The following TMEM132B variants were observed in gnomAD, a reference collection of about 807,000 sequenced individuals.
TMEM132B encodes transmembrane protein 132B.
In TMEM132B, 18 loss-of-function variants were observed where a neutral mutation model predicts 90.8. The ratio of observed to expected loss-of-function variants is 0.20; its 90% CI spans 0.14 to 0.29. The LOEUF (loss-of-function observed/expected upper bound fraction) is 0.29. Ranked by LOEUF, TMEM132B falls within the 10% of genes least tolerant of loss-of-function variation. The pLI is 1.00. For missense variants in TMEM132B, 1,096 were observed against 1,326.8 expected (o/e 0.83, Z 2.70); for synonymous variants, 504 against 523.3 (o/e 0.96, Z 0.50).
At chr12:125,563,152 A>C (rs1884576634) in intron 4 of TMEM132B, among the ~76,000 whole-genome samples, 1 of 115,414 alleles carries the variant, frequency 8.7e-6, no homozygotes, top group African/African-American at 2.9e-5. Context: ...AATGCGTAAT[A>C]ATAATAATAA....
At chr12:125,329,020 C>T (rs777216963) in intron 1 of TMEM132B, among the ~76,000 whole-genome samples, 6 of 152,122 alleles carry the variant, frequency 3.9e-5, no homozygotes, top group Admixed American at 1.3e-4. Context: ...TTCTCCCCCA[C>T]CCCCAAATGT....
In TMEM132B at chr12:125,392,974, G is replaced by A. The variant is rs114829996; in HGVS notation, c.960-22557G>A. Among the ~76,000 whole-genome samples the A allele has an allele frequency of 7.0e-3, 1,066 of 152,238 alleles. 16 individuals are homozygous for A. Among genetic ancestry groups the A allele is most frequent in the African/African-American group, 0.024 (989 of 41,530 alleles). ...GATCCGATGCCAGCTTCCCTCCTGC[G>A]TAGCCTGCCTCTGTGCCCACATTTG... is the stretch of plus-strand genomic sequence containing the variant. On this transcript the variant is annotated intron_variant, in intron 2 of 8. Coordinates refer to ENST00000682704, the MANE Select transcript of TMEM132B (RefSeq NM_001366854.1).
At chr12:125,595,136 G>A (rs1033191317) in intron 5 of TMEM132B, among the ~76,000 whole-genome samples, 2 of 152,196 alleles carry the variant, frequency 1.3e-5, no homozygotes, top group African/African-American at 2.4e-5. Context: ...CATGGCAGAT[G>A]TATTATAATG....
At chr12:125,248,038 A>C (rs1283354528) in intron 1 of TMEM132B, among the ~76,000 whole-genome samples, 2 of 152,238 alleles carry the variant, frequency 1.3e-5, no homozygotes, top group Admixed American at 1.3e-4. Context: ...GCAGCATGGC[A>C]GAAGACTTTA....
In TMEM132B at chr12:125,348,088, C is replaced by CATTTG. The variant is rs3068981; in HGVS notation, c.68-1359_68-1355dup. Among the ~76,000 whole-genome samples the CATTTG allele has an allele frequency of 9.8e-3, 1,484 of 151,714 alleles. 26 individuals carry two copies. The highest frequency in any genetic ancestry group is 0.034 in the African/African-American group (1,394 of 41,188). ...TTACCAAATAGGATCAAATATGACA[C>CATTTG]ATTTGATTTTTGTTTTTTTTACACT... On this transcript the variant is annotated intron_variant, in intron 1 of 8. Coordinates refer to ENST00000682704, the MANE Select transcript of TMEM132B (RefSeq NM_001366854.1).
intron 1 of TMEM132B, among the ~76,000 whole-genome samples, chr12:125,247,682 C>T (rs1874235373): frequency 6.6e-6 from 1 of 152,094 alleles, no homozygotes; most frequent in African/African-American, 2.4e-5. Context: ...ACAGCAGCCC[C>T]CTGACCAATT....
intron 2 of TMEM132B, among the ~76,000 whole-genome samples, chr12:125,364,213 C>T (rs1476468044): frequency 6.6e-6 from 1 of 152,148 alleles, no homozygotes; most frequent in Non-Finnish European, 1.5e-5. Context: ...CATGTTTTAT[C>T]TGTTAATCTA....
chr12:125,387,213 T>C (rs1878866452), intron 2 of TMEM132B, among the ~76,000 whole-genome samples: 1 of 152,064 alleles, frequency 6.6e-6, no homozygotes, highest in Non-Finnish European at 1.5e-5. Flanking sequence ...GAAGTCTCTC[T>C]TCTGAAAAAA....
intron 4 of TMEM132B, among the ~76,000 whole-genome samples, chr12:125,555,914 A>G (rs1468976724): frequency 6.6e-6 from 1 of 152,322 alleles, no homozygotes; most frequent in East Asian, 1.9e-4. Flanking sequence ...CCCAAGGATA[A>G]GATAAGCTGT....
intron 2 of TMEM132B, among the ~76,000 whole-genome samples, chr12:125,374,073 G>A (rs762489380): frequency 6.6e-6 from 1 of 152,210 alleles, no homozygotes; most frequent in Non-Finnish European, 1.5e-5. Flanking sequence ...GGGATTACAG[G>A]TGTGAGCCAC....
At chr12:125,364,575 C>T (rs1211134198) in intron 2 of TMEM132B, among the ~76,000 whole-genome samples, 3 of 152,156 alleles carry the variant, frequency 2.0e-5, no homozygotes, top group Non-Finnish European at 2.9e-5. Context: ...ATTACATTGA[C>T]TATAGAGATC....
At chr12:125,192,571 G>T (rs1359163860) in intron 1 of TMEM132B, among the ~76,000 whole-genome samples, 2 of 152,116 alleles carry the variant, frequency 1.3e-5, no homozygotes, top group African/African-American at 4.8e-5. Context: ...TCAGACTCCC[G>T]GGCTGAAGAC....
At chr12:125,602,917 A>T (rs1416081736) in intron 5 of TMEM132B, among the ~76,000 whole-genome samples, 1 of 152,148 alleles carries the variant, frequency 6.6e-6, no homozygotes, top group Non-Finnish European at 1.5e-5. Flanking sequence ...GATATGAAGG[A>T]CCTCTTCAAG....
At chr12:125,192,947 C>A (rs1254968211) in intron 1 of TMEM132B, among the ~76,000 whole-genome samples, 2 of 152,194 alleles carry the variant, frequency 1.3e-5, no homozygotes, top group Non-Finnish European at 2.9e-5. Flanking sequence ...GTTCTCATTA[C>A]AAGGCTGGGT....
intron 3 of TMEM132B, among the ~76,000 whole-genome samples, chr12:125,416,526 T>A (rs180732888): frequency 6.6e-6 from 1 of 152,228 alleles, no homozygotes; most frequent in East Asian, 1.9e-4. Context: ...CCTGCAGCAT[T>A]AGGAATGGCG....
chr12:125,538,577 T>G (rs576710662), intron 4 of TMEM132B, among the ~76,000 whole-genome samples: 11 of 152,356 alleles, frequency 7.2e-5, no homozygotes, highest in Admixed American at 2.6e-4. Context: ...ATCCGTGGGC[T>G]GAATGCTTAA....
rs1880992572 is a variant in TMEM132B, at chr12:125,445,809, A to G, written c.1106+30132A>G. 6.6e-6 allele frequency among the ~76,000 whole-genome samples: 1 copy of G among 152,154 alleles called. No homozygotes were observed. The highest frequency in any genetic ancestry group is 2.4e-5 in the African/African-American group (1 of 41,446). ...TGGCTCCTTTGACTTGGAGACAGAC[A>G]TCTCACACCTCAGGCCATGTGCTAC... On this transcript the variant is annotated intron_variant, in intron 3 of 8. Coordinates refer to ENST00000682704, the MANE Select transcript of TMEM132B (RefSeq NM_001366854.1). This position sits in a 1 kb window ranked among gnomAD's most constrained non-coding sequence, Gnocchi z 4.3.
At chr12:125,286,289 G>A (rs975571476) in intron 1 of TMEM132B, among the ~76,000 whole-genome samples, 1 of 152,188 alleles carries the variant, frequency 6.6e-6, no homozygotes, top group Non-Finnish European at 1.5e-5. Flanking sequence ...GCCTTCTTCT[G>A]CCTTTGTGTG....
At chr12:125,601,967 A>G (rs1324939521) in intron 5 of TMEM132B, among the ~76,000 whole-genome samples, 2 of 152,214 alleles carry the variant, frequency 1.3e-5, no homozygotes, top group Non-Finnish European at 2.9e-5. Flanking sequence ...TGAGGCAGTA[A>G]TTAATAGCCT....
Sources: gnomAD v4.1 joint callset for allele counts (sites outside exome capture counted in the v4.1 genomes callset) on GRCh38, gnomAD v4.1.1 for gene constraint, Gnocchi (gnomAD v3.1) non-coding constraint, MANE v1.5 for transcripts, NCBI Gene and HGNC (gene_info 2026-07-23, HGNC 2026-07-21) for gene names.